The following ICA1 variants were observed in gnomAD, a reference collection of about 807,000 sequenced individuals.
ICA1 encodes the protein 69 kDa islet cell autoantigen.
Under a neutral mutation model 71.0 loss-of-function variants are expected in ICA1, and 40 were observed. That is an observed-to-expected ratio of 0.56 (90% confidence interval 0.44 to 0.73). The LOEUF (loss-of-function observed/expected upper bound fraction) is 0.73, where lower values mean the gene tolerates loss of function less well. ICA1 is among the 30% of genes least tolerant of loss of function. The pLI is 0.00. For synonymous variants in ICA1, 207 were observed against 209.5 expected, an observed-to-expected ratio of 0.99 and a Z score of 0.10; for missense variants, 578 against 576.5, an observed-to-expected ratio of 1.00 and a Z score of -0.03.
chr7:8,256,133 T>C (rs1484990206), intron 1 of ICA1, among the ~76,000 whole-genome samples: 3 of 152,190 alleles, frequency 2.0e-5, no homozygotes, highest in African/African-American at 4.8e-5. Flanking sequence ...TAAAAAGCGA[T>C]TGAATGCATC....
intron 6 of ICA1, among the ~76,000 whole-genome samples, chr7:8,162,168 T>C (rs1471734913): frequency 6.6e-6 from 1 of 152,254 alleles, no homozygotes; most frequent in Non-Finnish European, 1.5e-5. Flanking sequence ...GAAAACTTAT[T>C]TCACTTGCTA....
At chr7:8,127,721 A>C (rs1175763715) in intron 13 of ICA1, 152 bp downstream of exon 13, 1 of 803,834 alleles carries the variant, frequency 1.2e-6, no homozygotes, top group African/African-American at 1.7e-5. Flanking sequence ...CTGAAACATA[A>C]AGTTGGAATG....
At chr7:8,171,924 T>C (rs1332228682) in intron 6 of ICA1, among the ~76,000 whole-genome samples, 1 of 152,026 alleles carries the variant, frequency 6.6e-6, no homozygotes, top group Non-Finnish European at 1.5e-5. Context: ...TACAGATATA[T>C]ATTTGTTACT....
At chr7:8,261,010 A>T (rs3807804) in intron 1 of ICA1, among the ~76,000 whole-genome samples, 3 of 152,028 alleles carry the variant, frequency 2.0e-5, no homozygotes, top group Non-Finnish European at 4.4e-5. Context: ...AATGGCCAAT[A>T]AATGCCTTAT....
intron 1 of ICA1, among the ~76,000 whole-genome samples, chr7:8,238,362 T>A (rs1346335730): frequency 6.6e-6 from 1 of 152,194 alleles, no homozygotes; most frequent in Admixed American, 6.5e-5. Context: ...ATCTCATGGT[T>A]TTGGTTTACA....
intron 13 of ICA1, chr7:8,116,444 T>C (rs1562485125): frequency 6.6e-6 from 1 of 152,214 alleles, no homozygotes; most frequent in Non-Finnish European, 1.5e-5. Flanking sequence ...ATGTTCCTCA[T>C]ACTGGAATAC....
intron 9 of ICA1, 126 bp downstream of exon 9, chr7:8,143,749 T>C: frequency 1.5e-6 from 1 of 645,638 alleles, no homozygotes; most frequent in South Asian, 1.9e-5. Context: ...TGCTAATACA[T>C]CTACTCTGAG....
intron 13 of ICA1, among the ~76,000 whole-genome samples, chr7:8,119,063 G>A (rs1424322181): frequency 1.3e-5 from 2 of 152,196 alleles, no homozygotes; most frequent in African/African-American, 4.8e-5. Context: ...TAGAATCACA[G>A]GATGCCTTTT....
At chr7:8,168,699 C>T (rs188795393) in intron 6 of ICA1, among the ~76,000 whole-genome samples, 35 of 152,250 alleles carry the variant, frequency 2.3e-4, no homozygotes, top group East Asian at 7.7e-4. Flanking sequence ...GGCTTCTCAA[C>T]GCAGTAGAAA....
rs557580733 is a variant in ICA1, at chr7:8,131,475, C to T, written c.1061-3333G>A. Among the ~76,000 whole-genome samples the T allele has an allele frequency of 3.7e-4, 57 of 152,270 alleles. 1 individual carries two copies. Among genetic ancestry groups the T allele is most frequent in the Admixed American group, 2.0e-3 (30 of 15,288 alleles). On this transcript the variant is annotated intron_variant, in intron 12 of 13. Coordinates refer to ENST00000402384, the MANE Select transcript of ICA1 (RefSeq NM_001136020.3). The stretch of plus-strand genomic sequence containing the variant: ...TATTGCCTACAGCCAGTTCTAAATA[C>T]AGATTTTGCCTACACTGAGGTCTAC...
At chr7:8,206,325 G>A (rs1046430701) in intron 6 of ICA1, among the ~76,000 whole-genome samples, 1 of 151,990 alleles carries the variant, frequency 6.6e-6, no homozygotes, top group Non-Finnish European at 1.5e-5. Flanking sequence ...TTTCGAAAAT[G>A]ACTTCATCCT....
At chr7:8,209,326 T>C (rs1040463087) in intron 6 of ICA1, among the ~76,000 whole-genome samples, 13 of 152,102 alleles carry the variant, frequency 8.5e-5, no homozygotes, top group African/African-American at 3.1e-4. Flanking sequence ...TTACAAAACA[T>C]GCTTAATTTT....
intron 6 of ICA1, among the ~76,000 whole-genome samples, chr7:8,218,035 A>G (rs1399186445): frequency 1.3e-5 from 2 of 152,234 alleles, no homozygotes; most frequent in African/African-American, 4.8e-5. Context: ...AAATGTGACA[A>G]TCTTACAAAA....
At chr7:8,198,556 G>A (rs994774440) in intron 6 of ICA1, among the ~76,000 whole-genome samples, 2 of 152,202 alleles carry the variant, frequency 1.3e-5, no homozygotes, top group Non-Finnish European at 2.9e-5. Flanking sequence ...GTGGAAGGCA[G>A]ACTTGAAGCA....
At chr7:8,170,120 C>T (rs1394149202) in intron 6 of ICA1, among the ~76,000 whole-genome samples, 1 of 151,888 alleles carries the variant, frequency 6.6e-6, no homozygotes, top group Non-Finnish European at 1.5e-5. Flanking sequence ...ACCCAATAGT[C>T]CAAGCACCAC....
chr7:8,146,718 CGT>C (rs34156062), intron 8 of ICA1, among the ~76,000 whole-genome samples: 2 of 145,074 alleles, frequency 1.4e-5, no homozygotes, highest in African/African-American at 5.2e-5. Context: ...AAGTCAGGCA[CGT>C]GTGTGCGTGT....
chr7:8,129,574 T>A (rs757675095), intron 12 of ICA1, among the ~76,000 whole-genome samples: 1 of 152,216 alleles, frequency 6.6e-6, no homozygotes, highest in East Asian at 1.9e-4. Flanking sequence ...GACAACTGTC[T>A]AATGTAAGCA....
At chr7:8,221,473 A>T (rs936332873) in intron 4 of ICA1, 75 bp from the exon 5 acceptor site, 318 of 1,531,328 alleles carry the variant, frequency 2.1e-4, no homozygotes, top group Non-Finnish European at 2.8e-4. Context: ...AAGACAAATC[A>T]CAAGGTCCTC....
At chr7:8,169,988 T>C (rs1395687763) in intron 6 of ICA1, among the ~76,000 whole-genome samples, 4 of 151,734 alleles carry the variant, frequency 2.6e-5, no homozygotes, top group Admixed American at 6.6e-5. Flanking sequence ...TCCTGCACTT[T>C]TTCTTCTAGA....
Sources: gnomAD v4.1 joint callset for allele counts (sites outside exome capture counted in the v4.1 genomes callset) on GRCh38, gnomAD v4.1.1 for gene constraint, MANE v1.5 for transcripts, NCBI Gene and HGNC (gene_info 2026-07-23, HGNC 2026-07-21) for gene names.